Variants in MAF observed in about 807,000 individuals in gnomAD.
MAF encodes MAF bZIP transcription factor.
A neutral mutation model predicts 22.0 loss-of-function variants in MAF; 10 were observed. That is an observed-to-expected ratio of 0.45 (90% CI 0.28 to 0.77). The LOEUF is 0.77. MAF is among the 30% of genes least tolerant of loss of function. The pLI, the probability that MAF is intolerant of heterozygous loss-of-function variation, is 0.12. For synonymous variants in MAF, 337 were observed against 255.8 expected (o/e 1.32, Z -3.03); for missense variants, 544 against 548.4 (o/e 0.99, Z 0.08).
At chr16:79,216,223 G>C in the MAF span, among the ~76,000 whole-genome samples, 1 of 152,050 alleles carries the variant, frequency 6.6e-6, no homozygotes, top group Non-Finnish European at 1.5e-5. Flanking sequence ...CGTGTCATGT[G>C]CACATCTATA....
At chr16:79,545,014 G>A in the MAF span, among the ~76,000 whole-genome samples, 1 of 152,114 alleles carries the variant, frequency 6.6e-6, no homozygotes, top group African/African-American at 2.4e-5. Flanking sequence ...TTGGGTCAGG[G>A]ACCACTGGCT....
chr16:79,487,383 T>C, the MAF span, among the ~76,000 whole-genome samples: 1 of 152,152 alleles, frequency 6.6e-6, no homozygotes, highest in African/African-American at 2.4e-5. Flanking sequence ...ATCTGAGTGG[T>C]GGATATATGG....
At chr16:79,519,599 T>C in the MAF span, among the ~76,000 whole-genome samples, 2 of 152,186 alleles carry the variant, frequency 1.3e-5, no homozygotes, top group African/African-American at 2.4e-5. Flanking sequence ...TCGGTAACCA[T>C]CCACTGGCCC....
At chr16:79,428,649 G>A in the MAF span, among the ~76,000 whole-genome samples, 1 of 152,028 alleles carries the variant, frequency 6.6e-6, no homozygotes, top group African/African-American at 2.4e-5. Flanking sequence ...AGACCAGCCT[G>A]AGCAACTTAG....
the MAF span, among the ~76,000 whole-genome samples, chr16:79,458,126 G>GTC: frequency 0.011 from 1,717 of 151,376 alleles, 14 homozygotes; most frequent in Middle Eastern, 0.017. Flanking sequence ...GTGTGTGTGT[G>GTC]TGTGTGTGTG....
In MAF at chr16:79,598,820, C is replaced by T. The variant is rs182176065; in HGVS notation, c.1083G>A (p.Ser361=). The T allele has an allele frequency of 9.9e-6, 16 of 1,613,450 alleles. No individual in the cohort carries two copies. The highest frequency in any genetic ancestry group is 8.0e-5 in the African/African-American group (6 of 74,904). Residue 361 remains serine (S), a synonymous_variant, in exon 1 of 2, where the codon TCG becomes TCA. Transcript: ENST00000326043. The part of the protein sequence containing the change: ...LVSSGFRENG[S]SSDNPSSPEF... ...CGGGAGAGGACGGGTTGTCGCTGCT[C>T]GAGCCGTTTTCTCGGAAGCCGCTGC...
intron 1 of MAF, among the ~76,000 whole-genome samples, chr16:79,588,757 G>C (rs375460575): frequency 2.0e-5 from 3 of 152,004 alleles, no homozygotes; most frequent in Non-Finnish European, 4.4e-5. Flanking sequence ...CCACCACACC[G>C]GGCCAGATTT....
chr16:79,434,413 C>T, the MAF span, among the ~76,000 whole-genome samples: 2 of 152,132 alleles, frequency 1.3e-5, no homozygotes, highest in African/African-American at 4.8e-5. Flanking sequence ...TGATTTCAAG[C>T]TACCAATGTG....
the MAF span, among the ~76,000 whole-genome samples, chr16:79,534,698 G>C: frequency 1.3e-5 from 2 of 152,010 alleles, no homozygotes; most frequent in Non-Finnish European, 2.9e-5. Context: ...TAACAAATCT[G>C]CATGTTGTGC....
chr16:79,492,572 A>T, the MAF span, among the ~76,000 whole-genome samples: 1 of 152,180 alleles, frequency 6.6e-6, no homozygotes, highest in Admixed American at 6.5e-5. Context: ...CAAAAGACAC[A>T]TATGGGAACT....
the MAF span, among the ~76,000 whole-genome samples, chr16:79,347,192 A>G: frequency 6.6e-6 from 1 of 152,226 alleles, no homozygotes; most frequent in African/African-American, 2.4e-5. Flanking sequence ...AGAAAGAAGG[A>G]TTCTTGCTGG....
the MAF span, chr16:79,229,553 G>A: frequency 6.6e-6 from 1 of 152,144 alleles, no homozygotes; most frequent in South Asian, 2.1e-4. Context: ...GATGGGCTGT[G>A]AGCGGGGATA....
chr16:79,488,844 A>G, the MAF span, among the ~76,000 whole-genome samples: 5 of 152,158 alleles, frequency 3.3e-5, no homozygotes, highest in African/African-American at 9.7e-5. Flanking sequence ...CGTCACCTCA[A>G]TTAAAAAGTT....
chr16:79,436,546 A>C, the MAF span, among the ~76,000 whole-genome samples: 1 of 152,164 alleles, frequency 6.6e-6, no homozygotes, highest in Non-Finnish European at 1.5e-5. Context: ...CTTTCTTCTC[A>C]CTGCTGCTTA....
the MAF span, among the ~76,000 whole-genome samples, chr16:79,273,117 G>A: frequency 6.6e-6 from 1 of 151,988 alleles, no homozygotes; most frequent in Non-Finnish European, 1.5e-5. Flanking sequence ...TGTTTTGCTG[G>A]GGCCCTAAGA....
At chr16:79,393,531 A>T in the MAF span, among the ~76,000 whole-genome samples, 1 of 152,146 alleles carries the variant, frequency 6.6e-6, no homozygotes, top group African/African-American at 2.4e-5. Flanking sequence ...CCATGATACA[A>T]CTTCTGCCTG....
the MAF span, among the ~76,000 whole-genome samples, chr16:79,493,325 G>C: frequency 6.6e-6 from 1 of 152,102 alleles, no homozygotes; most frequent in Non-Finnish European, 1.5e-5. Flanking sequence ...GGGATTACAG[G>C]TGCCTGCCAC....
chr16:79,342,733 C>T, the MAF span, among the ~76,000 whole-genome samples: 1 of 152,098 alleles, frequency 6.6e-6, no homozygotes, highest in Non-Finnish European at 1.5e-5. Flanking sequence ...CTATTGACGC[C>T]TACTAGAATT....
the MAF span, among the ~76,000 whole-genome samples, chr16:79,297,246 A>T: frequency 6.6e-6 from 1 of 152,132 alleles, no homozygotes; most frequent in African/African-American, 2.4e-5. Flanking sequence ...CTTTGGAGGA[A>T]TTTTTTCTTG....
Sources: allele counts gnomAD v4.1 joint callset (sites outside exome capture counted in the v4.1 genomes callset), GRCh38; gene constraint gnomAD v4.1.1; transcripts MANE v1.5; gene names NCBI Gene and HGNC (gene_info 2026-07-23, HGNC 2026-07-21).